Variants in MED12L observed in about 807,000 individuals in gnomAD.
The protein encoded by MED12L is mediator complex subunit 12L.
MED12L carries 60 observed loss-of-function variants against 281.3 expected under a neutral mutation model. That is an observed-to-expected ratio of 0.21 (90% CI 0.17 to 0.26). The LOEUF is 0.26. MED12L is among the 10% of genes least tolerant of loss of function. The probability of loss-of-function intolerance (pLI) is 1.00; values close to 1 mark genes in which losing one functional copy is unlikely to be tolerated. For missense variants in MED12L, 2,146 were observed against 2,680.9 expected, an observed-to-expected ratio of 0.80 and a Z score of 4.41; for synonymous variants, 974 against 987.2, an observed-to-expected ratio of 0.99 and a Z score of 0.25.
intron 39 of MED12L, among the ~76,000 whole-genome samples, chr3:151,396,016 C>CT (rs1577554040): frequency 1.3e-5 from 2 of 152,178 alleles, no homozygotes; most frequent in Non-Finnish European, 2.9e-5. Flanking sequence ...AAGCAACAGT[C>CT]ATCACCATGT....
chr3:151,357,178 C>G (rs767671310), intron 19 of MED12L, 35 bp from the exon 20 acceptor site: 5 of 1,523,076 alleles, frequency 3.3e-6, no homozygotes, highest in Non-Finnish European at 4.4e-6. Flanking sequence ...TGTTTTGGCA[C>G]CTACATGTTT....
In MED12L at chr3:151,376,077, A is replaced by G; in HGVS notation, c.3916A>G (p.Lys1306Glu). The change falls in exon 28 of 45, where the codon AAA (lysine) becomes GAA (glutamate). Residue 1306 changes from lysine (K) to glutamate (E), a missense_variant. By Grantham distance (56) the Lys-to-Glu change is moderately conservative. Coordinates refer to ENST00000687756, the MANE Select transcript of MED12L (RefSeq NM_001393769.1). ...LKEPERLCTD[K>E]ELILDPVLSN... The stretch of plus-strand genomic sequence containing the variant: ...AGAACCTGAAAGATTATGTACAGAC[A>G]AAGAACTTATATTGGACCCTGTGCT... 1 of 1,610,582 alleles carries G rather than the reference A, an allele frequency of 6.2e-7. No homozygotes were observed. Among genetic ancestry groups the G allele is most frequent in the Non-Finnish European group, 8.5e-7 (1 of 1,178,808 alleles).
At chr3:151,299,360 CTTTTCTTTTCT>C (rs377140632) in intron 16 of MED12L, among the ~76,000 whole-genome samples, 5 of 109,330 alleles carry the variant, frequency 4.6e-5, no homozygotes, top group African/African-American at 2.1e-4. Context: ...TTCCTTCTTT[CTTTTCTTTTCT>C]TTTCTTTTCT....
chr3:151,176,394 C>T (rs1022118945), intron 11 of MED12L, among the ~76,000 whole-genome samples: 4 of 152,034 alleles, frequency 2.6e-5, no homozygotes, highest in East Asian at 1.9e-4. Flanking sequence ...GGAAAAAATA[C>T]GTTTCAAATA....
chr3:151,268,091 T>C (rs755487299), intron 16 of MED12L, among the ~76,000 whole-genome samples: 2 of 152,186 alleles, frequency 1.3e-5, no homozygotes, highest in Non-Finnish European at 2.9e-5. Context: ...TGGTAGTCTT[T>C]AAACAGTGGG....
chr3:151,324,116 T>C (rs1031416550), intron 16 of MED12L, among the ~76,000 whole-genome samples: 9 of 152,234 alleles, frequency 5.9e-5, no homozygotes, highest in African/African-American at 2.2e-4. Flanking sequence ...TGGTGAGTGA[T>C]GTGCACCATG....
chr3:151,199,432 C>A lies in MED12L; in HGVS notation c.2250+5766C>A, dbSNP rs370491001. Reference sequence around the variant, plus strand: ...ACTGCTTATTGAAAAGAAAAAATTTCTAAGACTCTGTAAAAGAAACAAGGA... The same window carrying A: ...ACTGCTTATTGAAAAGAAAAAATTTATAAGACTCTGTAAAAGAAACAAGGA... On this transcript the variant is annotated intron_variant, in intron 16 of 44. Coordinates refer to ENST00000687756, the MANE Select transcript of MED12L (RefSeq NM_001393769.1). 3 of 1,514,896 alleles carry A rather than the reference C, an allele frequency of 2.0e-6. No homozygotes were observed. In the African/African-American group the frequency reaches 4.2e-5, roughly 21 times the overall value. The allele number at this position is 1,514,896 out of a possible 1,614,324, so 93.8% of individuals were successfully genotyped here.
intron 31 of MED12L, 79 bp downstream of exon 31, chr3:151,378,252 TC>T: frequency 1.5e-6 from 2 of 1,356,282 alleles, no homozygotes; most frequent in Non-Finnish European, 2.0e-6. Context: ...ACCTGTGTGG[TC>T]ACTGTACCCA....
intron 11 of MED12L, among the ~76,000 whole-genome samples, chr3:151,184,173 T>C (rs890172029): frequency 1.3e-5 from 2 of 152,168 alleles, no homozygotes; most frequent in African/African-American, 4.8e-5. Flanking sequence ...AATGACAAAA[T>C]TTAGGGTATG....
At chr3:151,214,796 T>C (rs1727875324) in intron 16 of MED12L, among the ~76,000 whole-genome samples, 1 of 152,184 alleles carries the variant, frequency 6.6e-6, no homozygotes. Context: ...GAAATACTCA[T>C]TTAGGTATAA....
At position 151,086,959 on chromosome 3, in the gene MED12L, G is replaced by A. The variant is rs1210351290; in HGVS notation, c.33G>A (p.Gln11=). 2 of 1,609,430 alleles carry A rather than the reference G, an allele frequency of 1.2e-6. No individual in the cohort carries two copies. Among genetic ancestry groups the A allele is most frequent in the African/African-American group, 2.7e-5 (2 of 74,866 alleles). The change falls in exon 2 of 45, where the codon CAG becomes CAA. Residue 11 remains glutamine, a synonymous_variant. Coordinates refer to ENST00000687756, the MANE Select transcript of MED12L (RefSeq NM_001393769.1). MAAFGLLSYE[Q]RPLKRPRLGP... Reference sequence around the variant, plus strand: ...CCTTCGGGCTTCTCAGCTATGAGCAGAGACCGCTGAAGCGCCCCCGGCTCG... The same window carrying A: ...CCTTCGGGCTTCTCAGCTATGAGCAAAGACCGCTGAAGCGCCCCCGGCTCG...
intron 16 of MED12L, among the ~76,000 whole-genome samples, chr3:151,339,185 A>G (rs1308355099): frequency 1.3e-5 from 2 of 152,140 alleles, no homozygotes; most frequent in Non-Finnish European, 2.9e-5. Context: ...TGGAAGAGAA[A>G]TAATGGGGCT....
At chr3:151,123,112 GT>G in intron 4 of MED12L, 138 bp downstream of exon 4, 1 of 658,362 alleles carries the variant, frequency 1.5e-6, no homozygotes, top group Non-Finnish European at 2.5e-6. Context: ...CCAGGTGGGT[GT>G]TACTCCATGC....
intron 16 of MED12L, chr3:151,337,783 CAA>C (rs769221058): frequency 1.5e-4 from 247 of 1,605,346 alleles, no homozygotes; most frequent in Non-Finnish European, 2.0e-4. Flanking sequence ...GTTCTGAACA[CAA>C]AGAGATTGAA....
intron 14 of MED12L, 73 bp downstream of exon 14, chr3:151,191,004 T>G (rs1723904317): frequency 3.7e-6 from 5 of 1,336,868 alleles, no homozygotes; most frequent in South Asian, 1.3e-5. Context: ...AAATGGGTCA[T>G]GTAGTGGTAG....
chr3:151,151,031 C>CTTTTTTTTGTTTTTTTT (rs1718403447), intron 5 of MED12L, among the ~76,000 whole-genome samples: 1 of 32,880 alleles, frequency 3.0e-5, no homozygotes. Flanking sequence ...GCTGAAGTAG[C>CTTTTTTTTGTTTTTTTT]TTTTTTTTTT....
At chr3:151,244,249 G>C (rs1417067123) in intron 16 of MED12L, among the ~76,000 whole-genome samples, 43 of 132,928 alleles carry the variant, frequency 3.2e-4, no homozygotes, top group African/African-American at 1.1e-3. Flanking sequence ...ATTGAACTCA[G>C]CTCTGCACCA....
chr3:151,255,055 G>A (rs569281648), intron 16 of MED12L, among the ~76,000 whole-genome samples: 2 of 152,104 alleles, frequency 1.3e-5, no homozygotes, highest in East Asian at 1.9e-4. Flanking sequence ...AATAAGCGAG[G>A]CCTTTGCTTG....
intron 16 of MED12L, among the ~76,000 whole-genome samples, chr3:151,326,052 C>G (rs1466944299): frequency 6.6e-6 from 1 of 152,138 alleles, no homozygotes; most frequent in African/African-American, 2.4e-5. Context: ...TAACCATTAT[C>G]AATAGTGCAT....
Sources: allele counts gnomAD v4.1 joint callset (sites outside exome capture counted in the v4.1 genomes callset), GRCh38; gene constraint gnomAD v4.1.1; transcripts MANE v1.5; gene names NCBI Gene and HGNC (gene_info 2026-07-23, HGNC 2026-07-21).